Variants in RAVER2 observed in about 807,000 individuals in gnomAD.
RAVER2 encodes ribonucleoprotein PTB-binding 2.
RAVER2 carries 46 observed loss-of-function variants against 78.1 expected under a neutral mutation model. The observed-to-expected ratio is 0.59, with a 90% CI of 0.46 to 0.75. The LOEUF is 0.75. Ranked by LOEUF, RAVER2 falls within the 30% of genes least tolerant of loss-of-function variation. The pLI is 0.00. For synonymous variants in RAVER2, 311 were observed against 313.3 expected (o/e 0.99, Z 0.08); for missense variants, 793 against 837.5 (o/e 0.95, Z 0.66).
intron 11 of RAVER2, among the ~76,000 whole-genome samples, chr1:64,829,145 A>G (rs1001241954): frequency 4.6e-5 from 7 of 152,234 alleles, no homozygotes; most frequent in African/African-American, 1.4e-4. Context: ...TAAATTTCCT[A>G]TCTGGCTTCT....
intron 1 of RAVER2, 123 bp from the exon 2 acceptor site, chr1:64,768,533 A>AT (rs35506383): frequency 0.02 from 10,896 of 534,224 alleles, 14 homozygotes; most frequent in African/African-American, 0.029. Context: ...CCATGAAATA[A>AT]TTTTTTTTTT....
intron 9 of RAVER2, 94 bp from the exon 10 acceptor site, chr1:64,812,644 C>A (rs1201534294): frequency 2.8e-5 from 20 of 721,736 alleles, no homozygotes; most frequent in African/African-American, 3.6e-5. Context: ...CATAAGTACA[C>A]TAGATGTATT....
At chr1:64,751,822 C>T (rs1651706659) in intron 1 of RAVER2, among the ~76,000 whole-genome samples, 1 of 151,992 alleles carries the variant, frequency 6.6e-6, no homozygotes, top group African/African-American at 2.4e-5. Flanking sequence ...TTTCCTCGCT[C>T]AGCTAAAACA....
At position 64,814,821 on chromosome 1, in the gene RAVER2, CT is replaced by C; in HGVS notation, c.1914del (p.Phe638LeufsTer10). ...GAAAAGTGCATTGCTTATTCTCCAC[CT>C]TTTGGTGATTATGCACAGGTAAATA... On this transcript the variant is annotated frameshift_variant, in exon 11 of 12. Coordinates refer to ENST00000294428, the Ensembl canonical transcript of RAVER2. LOFTEE classifies it high-confidence loss of function. The C allele has an allele frequency of 3.2e-6, 5 of 1,579,354 alleles. No individual in the cohort carries two copies. The South Asian group carries it at 3.6e-5, about 11-fold the overall frequency.
At chr1:64,779,901 G>T (rs1350762153) in intron 3 of RAVER2, among the ~76,000 whole-genome samples, 1 of 151,604 alleles carries the variant, frequency 6.6e-6, no homozygotes, top group African/African-American at 2.4e-5. Flanking sequence ...TCAAAAGAGT[G>T]GAAAATTAAC....
At chr1:64,746,126 A>G (rs1003346499) in intron 1 of RAVER2, among the ~76,000 whole-genome samples, 27 of 152,176 alleles carry the variant, frequency 1.8e-4, no homozygotes, top group Non-Finnish European at 5.9e-5. Context: ...TGCTTTTAAG[A>G]TTAGAAACTC....
At chr1:64,763,917 T>TACATACACACAC (rs1553152183) in intron 1 of RAVER2, among the ~76,000 whole-genome samples, 8 of 133,738 alleles carry the variant, frequency 6.0e-5, no homozygotes, top group African/African-American at 1.6e-4. Flanking sequence ...AAAACAAAAA[T>TACATACACACAC]ACACACACAC....
At chr1:64,750,307 C>CTT (rs563534320) in intron 1 of RAVER2, among the ~76,000 whole-genome samples, 2,711 of 138,744 alleles carry the variant, frequency 0.02, 102 homozygotes, top group African/African-American at 0.067. Flanking sequence ...TTTTTCTTTT[C>CTT]TTTTTTTTTT....
At chr1:64,761,702 C>T (rs1480023754) in intron 1 of RAVER2, among the ~76,000 whole-genome samples, 1 of 151,896 alleles carries the variant, frequency 6.6e-6, no homozygotes, top group East Asian at 1.9e-4. Context: ...CTAGCTAACA[C>T]AATACACCTA....
intron 1 of RAVER2, among the ~76,000 whole-genome samples, chr1:64,751,439 C>T (rs1180764634): frequency 6.6e-6 from 1 of 152,198 alleles, no homozygotes; most frequent in Non-Finnish European, 1.5e-5. Flanking sequence ...TAACAAGACT[C>T]AGATCAGGGA....
chr1:64,825,136 G>T (rs539596720), intron 11 of RAVER2, among the ~76,000 whole-genome samples: 2 of 151,968 alleles, frequency 1.3e-5, no homozygotes, highest in South Asian at 4.1e-4. Flanking sequence ...TAATGTCACA[G>T]AATGAAGCAT....
intron 5 of RAVER2, among the ~76,000 whole-genome samples, chr1:64,802,258 A>G (rs1306798595): frequency 1.3e-5 from 2 of 152,142 alleles, no homozygotes; most frequent in East Asian, 1.9e-4. Flanking sequence ...GTCTCATCCT[A>G]TGACTTAGAA....
chr1:64,750,118 A>T (rs1651656828), intron 1 of RAVER2, among the ~76,000 whole-genome samples: 1 of 152,182 alleles, frequency 6.6e-6, no homozygotes, highest in Non-Finnish European at 1.5e-5. Flanking sequence ...ATAAACTTAC[A>T]TTTCAAAGTA....
chr1:64,806,013 A>G (rs1653408164), intron 8 of RAVER2, among the ~76,000 whole-genome samples: 1 of 152,192 alleles, frequency 6.6e-6, no homozygotes, highest in South Asian at 2.1e-4. Context: ...CCAAATAACT[A>G]TATTCTAAAC....
At chr1:64,750,253 A>C (rs1265718634) in intron 1 of RAVER2, among the ~76,000 whole-genome samples, 1 of 151,874 alleles carries the variant, frequency 6.6e-6, no homozygotes, top group Admixed American at 6.6e-5. Flanking sequence ...AACTCTAGTT[A>C]ATCTTTTTTC....
At chr1:64,828,867 T>C (rs561379341) in intron 11 of RAVER2, among the ~76,000 whole-genome samples, 2 of 152,346 alleles carry the variant, frequency 1.3e-5, no homozygotes, top group South Asian at 2.1e-4. Flanking sequence ...CATTTGACTT[T>C]CTGTTTTTAT....
chr1:64,793,371 A>G (rs1652998284), intron 5 of RAVER2, among the ~76,000 whole-genome samples: 2 of 152,140 alleles, frequency 1.3e-5, no homozygotes, highest in Non-Finnish European at 2.9e-5. Flanking sequence ...TCCCAGGTCC[A>G]ATTTTGATTA....
intron 11 of RAVER2, among the ~76,000 whole-genome samples, chr1:64,823,105 T>A (rs1653925406): frequency 6.6e-6 from 1 of 152,130 alleles, no homozygotes; most frequent in Non-Finnish European, 1.5e-5. Context: ...AATTCAATTG[T>A]GGTGATAGTT....
chr1:64,753,811 C>T (rs1404416627), intron 1 of RAVER2, among the ~76,000 whole-genome samples: 2 of 152,124 alleles, frequency 1.3e-5, no homozygotes, highest in South Asian at 4.1e-4. Flanking sequence ...CGTGAGCCAC[C>T]GTGCCCGGCC....
Sources: allele counts gnomAD v4.1 joint callset (sites outside exome capture counted in the v4.1 genomes callset), GRCh38; gene constraint gnomAD v4.1.1; transcripts MANE v1.5; gene names NCBI Gene and HGNC (gene_info 2026-07-23, HGNC 2026-07-21).